Variants in SLC26A7 observed in about 807,000 individuals in gnomAD.
The protein encoded by SLC26A7 is anion exchange transporter.
SLC26A7 carries 59 observed loss-of-function variants against 82.5 expected under a neutral mutation model. The observed-to-expected ratio is 0.72, with a 90% confidence interval of 0.58 to 0.89. The LOEUF (loss-of-function observed/expected upper bound fraction) is 0.89. Among genes scored for constraint, SLC26A7 ranks in the 40% least tolerant of loss-of-function variants. The probability of loss-of-function intolerance (pLI) is 0.00; values close to 1 mark genes in which losing one functional copy is unlikely to be tolerated. For missense variants in SLC26A7, 820 were observed against 793.0 expected (o/e 1.03, Z -0.41); for synonymous variants, 271 against 274.3 (o/e 0.99, Z 0.12).
chr8:91,300,466 C>T (rs191167220), intron 4 of SLC26A7, among the ~76,000 whole-genome samples: 2,932 of 151,138 alleles, frequency 0.019, 28 homozygotes, highest in Non-Finnish European at 0.03. Context: ...GGCGCGATCT[C>T]GGCTCACTGC....
chr8:91,356,803 T>C (rs1169501814), intron 11 of SLC26A7, among the ~76,000 whole-genome samples: 1 of 152,228 alleles, frequency 6.6e-6, no homozygotes, highest in African/African-American at 2.4e-5. Flanking sequence ...TTATTTTATT[T>C]CTTTATTTTC....
At chr8:91,394,109 T>C in intron 18 of SLC26A7, 70 bp downstream of exon 18, 2 of 1,589,424 alleles carry the variant, frequency 1.3e-6, no homozygotes, top group African/African-American at 1.3e-5. Context: ...CTTTGCATCT[T>C]TTATATTAGC....
chr8:91,368,567 C>T (rs1297088237), intron 14 of SLC26A7, among the ~76,000 whole-genome samples: 16 of 151,910 alleles, frequency 1.1e-4, no homozygotes, highest in African/African-American at 2.4e-4. Flanking sequence ...TACAGGCGCC[C>T]GCCACCACGC....
At chr8:91,259,924 C>T (rs1414101832) in intron 2 of SLC26A7, among the ~76,000 whole-genome samples, 1 of 152,082 alleles carries the variant, frequency 6.6e-6, no homozygotes, top group African/African-American at 2.4e-5. Flanking sequence ...GCTTACTCAA[C>T]TAATGAAAAA....
At chr8:91,241,189 A>G (rs546439928) in intron 2 of SLC26A7, among the ~76,000 whole-genome samples, 1 of 152,290 alleles carries the variant, frequency 6.6e-6, no homozygotes, top group Non-Finnish European at 1.5e-5. Flanking sequence ...GTGAAGAAAT[A>G]TTGTACAGTC....
intron 15 of SLC26A7, among the ~76,000 whole-genome samples, chr8:91,376,162 T>C (rs1814510548): frequency 6.6e-6 from 1 of 152,184 alleles, no homozygotes; most frequent in Non-Finnish European, 1.5e-5. Context: ...TTTTCAACTT[T>C]CTTCTGGATC....
chr8:91,231,850 C>T (rs191821304), intron 2 of SLC26A7, among the ~76,000 whole-genome samples: 19 of 152,116 alleles, frequency 1.2e-4, no homozygotes, highest in Non-Finnish European at 2.4e-4. Context: ...TTCTTTACCA[C>T]GGCTAGGCAG....
At chr8:91,247,562 G>A (rs938831428), upstream of SLC26A7, among the ~76,000 whole-genome samples, 1 of 152,020 alleles carries the variant, frequency 6.6e-6, no homozygotes, top group Non-Finnish European at 1.5e-5. Flanking sequence ...CTTCAAAAAA[G>A]ATTTTTAGGA....
At chr8:91,317,811 T>C (rs1045328494) in intron 4 of SLC26A7, among the ~76,000 whole-genome samples, 4 of 151,932 alleles carry the variant, frequency 2.6e-5, no homozygotes, top group African/African-American at 9.7e-5. Context: ...TGAGTGTATT[T>C]CCCTTTTTTG....
At chr8:91,226,711 A>G (rs973469984) in intron 2 of SLC26A7, among the ~76,000 whole-genome samples, 1 of 152,246 alleles carries the variant, frequency 6.6e-6, no homozygotes, top group East Asian at 1.9e-4. Flanking sequence ...ATATAATGAT[A>G]AGTACTTTGG....
chr8:91,376,318 T>C (rs1247327280), intron 15 of SLC26A7, among the ~76,000 whole-genome samples: 2 of 152,248 alleles, frequency 1.3e-5, no homozygotes, highest in African/African-American at 4.8e-5. Flanking sequence ...CAGTAGTTCT[T>C]TCACTGATTC....
intron 2 of SLC26A7, among the ~76,000 whole-genome samples, chr8:91,264,703 C>T (rs941926654): frequency 2.6e-5 from 4 of 151,988 alleles, no homozygotes; most frequent in African/African-American, 9.7e-5. Context: ...TCATGGTTTC[C>T]CAAACCTCAT....
intron 2 of SLC26A7, among the ~76,000 whole-genome samples, chr8:91,238,584 T>C (rs2130682450): frequency 6.7e-6 from 1 of 150,104 alleles, no homozygotes; most frequent in South Asian, 2.1e-4. Context: ...CATATATATA[T>C]ATACATATAA....
chr8:91,320,672 A>G (rs967328974), intron 5 of SLC26A7, among the ~76,000 whole-genome samples: 1 of 152,220 alleles, frequency 6.6e-6, no homozygotes, highest in Non-Finnish European at 1.5e-5. Context: ...TAAGTGTTAC[A>G]TAAAGAAGCA....
intron 2 of SLC26A7, among the ~76,000 whole-genome samples, chr8:91,269,707 T>A (rs116183611): frequency 0.013 from 1,957 of 152,266 alleles, 39 homozygotes; most frequent in African/African-American, 0.044. Context: ...TTCTTAAATA[T>A]GCCTTCCAGT....
chr8:91,245,951 T>G (rs1810539023), upstream of SLC26A7, among the ~76,000 whole-genome samples: 2 of 152,208 alleles, frequency 1.3e-5, no homozygotes, highest in Non-Finnish European at 2.9e-5. Context: ...TCTTCCGCAT[T>G]TCCCATCTGG....
At chr8:91,237,356 G>A (rs750916930) in intron 2 of SLC26A7, among the ~76,000 whole-genome samples, 1 of 152,116 alleles carries the variant, frequency 6.6e-6, no homozygotes, top group Non-Finnish European at 1.5e-5. Context: ...AATTCAACTA[G>A]ATTTCCTGTA....
chr8:91,284,236 T>C (rs1563659398), intron 2 of SLC26A7, among the ~76,000 whole-genome samples: 3 of 152,220 alleles, frequency 2.0e-5, no homozygotes, highest in Admixed American at 6.5e-5. Context: ...TTAGATCATC[T>C]GGGAAGAGGC....
intron 2 of SLC26A7, among the ~76,000 whole-genome samples, chr8:91,233,666 C>T (rs920445901): frequency 6.6e-6 from 1 of 152,068 alleles, no homozygotes; most frequent in Non-Finnish European, 1.5e-5. Flanking sequence ...CAAATATGTT[C>T]TTGAAAGCTG....
Sources: allele counts gnomAD v4.1 joint callset (sites outside exome capture counted in the v4.1 genomes callset), GRCh38; gene constraint gnomAD v4.1.1; transcripts MANE v1.5; gene names NCBI Gene and HGNC (gene_info 2026-07-23, HGNC 2026-07-21).